APBA2: variants seen among roughly 807,000 people sequenced by gnomAD.
APBA2 encodes the protein amyloid beta precursor protein binding family A member 2, also known as amyloid-beta A4 precursor protein-binding family A member 2.
Under a neutral mutation model 75.0 loss-of-function variants are expected in APBA2, and 30 were observed. That is an observed-to-expected ratio of 0.40 (90% CI 0.30 to 0.54). The LOEUF (loss-of-function observed/expected upper bound fraction) is 0.54, where lower values mean the gene tolerates loss of function less well. Ranked by LOEUF, APBA2 falls within the 20% of genes least tolerant of loss-of-function variation. APBA2 has a pLI of 0.49. For missense variants in APBA2, 801 were observed against 1,016.1 expected, an observed-to-expected ratio of 0.79 and a Z score of 2.88; for synonymous variants, 444 against 409.6, an observed-to-expected ratio of 1.08 and a Z score of -1.01.
intron 1 of APBA2, among the ~76,000 whole-genome samples, chr15:28,902,819 C>G (rs1478019207): frequency 6.6e-6 from 1 of 152,156 alleles, no homozygotes; most frequent in Admixed American, 6.5e-5. Context: ...TCACTGTTCC[C>G]CCATCTGTCT....
chr15:28,958,439 T>A (rs1326926537), intron 2 of APBA2, among the ~76,000 whole-genome samples: 1 of 152,184 alleles, frequency 6.6e-6, no homozygotes, highest in Non-Finnish European at 1.5e-5. Flanking sequence ...CACAGATAGG[T>A]GAAGATGAAA....
At chr15:28,978,061 T>C (rs1402038562) in intron 2 of APBA2, among the ~76,000 whole-genome samples, 1 of 152,140 alleles carries the variant, frequency 6.6e-6, no homozygotes, top group Non-Finnish European at 1.5e-5. Context: ...AGGGGTGTGG[T>C]GAGGGCTTAG....
At chr15:28,998,262 A>G (rs759466686) in intron 3 of APBA2, among the ~76,000 whole-genome samples, 1 of 145,638 alleles carries the variant, frequency 6.9e-6, no homozygotes, top group African/African-American at 2.6e-5. Context: ...TAACCGTCCT[A>G]TAGGCCCTCG....
intron 2 of APBA2, among the ~76,000 whole-genome samples, chr15:28,939,154 G>A (rs189499639): frequency 1.3e-4 from 20 of 152,276 alleles, no homozygotes; most frequent in Admixed American, 3.9e-4. Context: ...CATGGTGTCC[G>A]TAGGGGTCCT....
chr15:28,978,243 A>G (rs948136851), intron 2 of APBA2, among the ~76,000 whole-genome samples: 10 of 152,130 alleles, frequency 6.6e-5, no homozygotes, highest in Non-Finnish European at 1.0e-4. Flanking sequence ...TGCTGTTACC[A>G]TGTTGCAGTG....
intron 1 of APBA2, among the ~76,000 whole-genome samples, chr15:28,909,798 G>A (rs1244480277): frequency 6.6e-6 from 1 of 152,200 alleles, no homozygotes; most frequent in Non-Finnish European, 1.5e-5. Flanking sequence ...CCATCCTGAA[G>A]GCCGTGTGAC....
intron 2 of APBA2, among the ~76,000 whole-genome samples, chr15:28,975,718 G>A (rs1161586422): frequency 6.6e-6 from 1 of 152,208 alleles, no homozygotes; most frequent in Non-Finnish European, 1.5e-5. Flanking sequence ...AAAAAGCCAG[G>A]TAATAAACCA....
At chr15:29,013,273 C>CTTT (rs560518234) in intron 3 of APBA2, among the ~76,000 whole-genome samples, 290 of 85,768 alleles carry the variant, frequency 3.4e-3, no homozygotes, top group Non-Finnish European at 4.0e-3. Flanking sequence ...ATGAGTCATT[C>CTTT]TTTTTTTTTT....
intron 2 of APBA2, among the ~76,000 whole-genome samples, chr15:28,957,374 C>G (rs755722665): frequency 6.6e-6 from 1 of 152,188 alleles, no homozygotes; most frequent in Non-Finnish European, 1.5e-5. Flanking sequence ...CTACTGCGCC[C>G]GGCCTGAGCT....
chr15:28,923,875 G>A (rs1468959197), intron 2 of APBA2, among the ~76,000 whole-genome samples: 3 of 152,112 alleles, frequency 2.0e-5, no homozygotes, highest in East Asian at 1.9e-4. Context: ...TGCCTCCACC[G>A]CCCCCCCGGG....
intron 1 of APBA2, among the ~76,000 whole-genome samples, chr15:28,899,871 G>A (rs367738232): frequency 5.9e-5 from 9 of 152,188 alleles, no homozygotes; most frequent in Admixed American, 6.5e-5. Context: ...ATTTTATTTT[G>A]CAAAAGTACA....
intron 2 of APBA2, among the ~76,000 whole-genome samples, chr15:28,956,406 G>C (rs1273254147): frequency 1.3e-5 from 2 of 152,128 alleles, no homozygotes; most frequent in Admixed American, 6.5e-5. Flanking sequence ...AGATGCAGAG[G>C]CAGTCAGGGA....
At chr15:28,915,172 TA>T (rs2152657523) in intron 1 of APBA2, among the ~76,000 whole-genome samples, 33 of 2,362 alleles carry the variant, frequency 0.014, no homozygotes, top group East Asian at 0.033. Flanking sequence ...ACACACCACA[TA>T]CATACCCCAT....
intron 3 of APBA2, among the ~76,000 whole-genome samples, chr15:29,010,349 C>T (rs1429084560): frequency 2.0e-5 from 3 of 152,240 alleles, no homozygotes; most frequent in Admixed American, 6.5e-5. Flanking sequence ...AGCTTCGCCT[C>T]GTGGGTTCAC....
At chr15:28,912,000 G>A (rs2033451922) in intron 1 of APBA2, among the ~76,000 whole-genome samples, 2 of 152,154 alleles carry the variant, frequency 1.3e-5, no homozygotes, top group Non-Finnish European at 2.9e-5. Context: ...ATCCTATATA[G>A]CAATGAAGTG....
intron 4 of APBA2, among the ~76,000 whole-genome samples, chr15:29,065,022 T>C (rs1321363143): frequency 2.0e-5 from 3 of 152,060 alleles, no homozygotes; most frequent in Non-Finnish European, 4.4e-5. Context: ...TGTGTGTGTG[T>C]GTGTGCACGC....
chr15:29,055,760 AT>A, intron 4 of APBA2, among the ~76,000 whole-genome samples: 1 of 151,564 alleles, frequency 6.6e-6, no homozygotes, highest in East Asian at 2.0e-4. Context: ...TTCAGCACTT[AT>A]ATTTTAATTG....
chr15:29,075,320 TTGTC>T (rs1318722838), intron 5 of APBA2, among the ~76,000 whole-genome samples: 16 of 152,326 alleles, frequency 1.1e-4, no homozygotes, highest in African/African-American at 3.8e-4. Context: ...ATTCTATTCA[TTGTC>T]TGATAACCAT....
chr15:29,105,784 C>T (rs148055858), intron 11 of APBA2, among the ~76,000 whole-genome samples: 85 of 152,286 alleles, frequency 5.6e-4, no homozygotes, highest in African/African-American at 2.0e-3. Context: ...TTAATGACCT[C>T]GAAAATGCGC....
Sources: gnomAD v4.1 joint callset for allele counts (sites outside exome capture counted in the v4.1 genomes callset) on GRCh38, gnomAD v4.1.1 for gene constraint, MANE v1.5 for transcripts, NCBI Gene and HGNC (gene_info 2026-07-23, HGNC 2026-07-21) for gene names.